SPAG16: variants seen among roughly 807,000 people sequenced by gnomAD.
SPAG16 encodes the protein sperm associated antigen 16.
Under a neutral mutation model 80.4 loss-of-function variants are expected in SPAG16, and 86 were observed. That is an observed-to-expected ratio of 1.07 (90% CI 0.90 to 1.28). The LOEUF (loss-of-function observed/expected upper bound fraction) is 1.28. SPAG16 is among the 50% of genes most tolerant of loss of function. The probability of loss-of-function intolerance (pLI) is 0.00; values close to 1 mark genes in which losing one functional copy is unlikely to be tolerated. For missense variants in SPAG16, 870 were observed against 765.3 expected (o/e 1.14, Z -1.61); for synonymous variants, 294 against 265.9 (o/e 1.11, Z -1.03).
At chr2:213,752,412 A>T (rs2068118389) in intron 10 of SPAG16, among the ~76,000 whole-genome samples, 1 of 152,028 alleles carries the variant, frequency 6.6e-6, no homozygotes, top group South Asian at 2.1e-4. Context: ...TCTCTCCTCT[A>T]CCATTCTTTC....
chr2:214,287,229 A>C (rs887202991), intron 15 of SPAG16, among the ~76,000 whole-genome samples: 17 of 152,186 alleles, frequency 1.1e-4, no homozygotes, highest in African/African-American at 2.4e-5. Flanking sequence ...GCTGAACTCT[A>C]TCTGTACAAG....
chr2:214,112,229 A>G (rs182098038), intron 14 of SPAG16, among the ~76,000 whole-genome samples: 1 of 152,230 alleles, frequency 6.6e-6, no homozygotes, highest in African/African-American at 2.4e-5. Context: ...CTTTACTTCC[A>G]ATTATGTGGT....
intron 12 of SPAG16, among the ~76,000 whole-genome samples, chr2:213,935,511 C>T (rs1002856317): frequency 1.4e-4 from 22 of 152,070 alleles, no homozygotes; most frequent in African/African-American, 5.3e-4. Context: ...TGTTGGAGTC[C>T]ATGAAATCCT....
intron 8 of SPAG16, chr2:213,365,062 A>C (rs1438558496): frequency 6.6e-6 from 1 of 152,206 alleles, no homozygotes; most frequent in African/African-American, 2.4e-5. Context: ...CGAAGCATAA[A>C]ATTAAGCCTA....
At chr2:214,109,826 A>G (rs1251354482) in intron 14 of SPAG16, among the ~76,000 whole-genome samples, 2 of 152,176 alleles carry the variant, frequency 1.3e-5, no homozygotes, top group East Asian at 3.9e-4. Flanking sequence ...TTTAAGCACT[A>G]TGGACCCATT....
At chr2:214,023,156 TA>T (rs1261880985) in intron 13 of SPAG16, among the ~76,000 whole-genome samples, 1 of 151,974 alleles carries the variant, frequency 6.6e-6, no homozygotes, top group Non-Finnish European at 1.5e-5. Context: ...TTGCAGTAGG[TA>T]ATCACTTATG....
rs138294443 is a variant in SPAG16, at chr2:213,789,154, A to G, written c.1071-73331A>G. Reference sequence around the variant, plus strand: ...ATGCATGTATGGAATTGAAAAATAGATTAAAAATCCTTTCAATAAGTGTAC... The same window carrying G: ...ATGCATGTATGGAATTGAAAAATAGGTTAAAAATCCTTTCAATAAGTGTAC... On this transcript the variant is annotated intron_variant, in intron 10 of 15. Transcript: ENST00000331683. Among the ~76,000 whole-genome samples the G allele has an allele frequency of 8.6e-4, 131 of 152,070 alleles. 2 individuals carry two copies. The East Asian group carries it at 0.022, about 26-fold the overall frequency.
chr2:214,268,259 C>A (rs1335871441), intron 15 of SPAG16, among the ~76,000 whole-genome samples: 2 of 151,582 alleles, frequency 1.3e-5, no homozygotes, highest in Non-Finnish European at 3.0e-5. Context: ...ACAGTATGAA[C>A]GTTCCTTTAT....
chr2:214,092,076 A>T (rs1307714995), intron 13 of SPAG16, among the ~76,000 whole-genome samples: 1 of 152,100 alleles, frequency 6.6e-6, no homozygotes, highest in Non-Finnish European at 1.5e-5. Flanking sequence ...CTATTTTATT[A>T]TTTTATTGAC....
chr2:214,066,308 G>A (rs2050526101), intron 13 of SPAG16, among the ~76,000 whole-genome samples: 1 of 152,082 alleles, frequency 6.6e-6, no homozygotes, highest in South Asian at 2.1e-4. Context: ...AGCACCATCT[G>A]AGGCTGAATC....
chr2:213,736,761 A>G (rs1278462044), intron 10 of SPAG16, among the ~76,000 whole-genome samples: 3 of 150,764 alleles, frequency 2.0e-5, no homozygotes, highest in African/African-American at 7.3e-5. Context: ...CTGCAGTGCA[A>G]TGGCGAGATC....
intron 10 of SPAG16, among the ~76,000 whole-genome samples, chr2:213,523,136 G>C (rs2075748299): frequency 6.6e-6 from 1 of 152,146 alleles, no homozygotes; most frequent in Non-Finnish European, 1.5e-5. Context: ...CCCAGTGGGA[G>C]GTAATTGAAT....
At chr2:213,450,058 A>T (rs2071593832) in intron 9 of SPAG16, among the ~76,000 whole-genome samples, 1 of 152,190 alleles carries the variant, frequency 6.6e-6, no homozygotes, top group African/African-American at 2.4e-5. Context: ...TAATCCCAGC[A>T]CTTTGGTAGG....
At chr2:213,292,597 GAGCTTGC>G (rs1197650402) in intron 1 of SPAG16, among the ~76,000 whole-genome samples, 1 of 146,476 alleles carries the variant, frequency 6.8e-6, no homozygotes, top group South Asian at 2.1e-4. Context: ...CCGGGAGGCG[GAGCTTGC>G]AGTGAGCCGA....
chr2:214,009,638 A>G (rs1421967869), intron 12 of SPAG16, among the ~76,000 whole-genome samples: 2 of 152,190 alleles, frequency 1.3e-5, no homozygotes, highest in Non-Finnish European at 2.9e-5. Context: ...TGAGAGTTAA[A>G]ATAGAGCCTG....
chr2:213,997,664 G>A (rs544960948), intron 12 of SPAG16, among the ~76,000 whole-genome samples: 27 of 152,064 alleles, frequency 1.8e-4, no homozygotes, highest in Admixed American at 2.6e-4. Context: ...CCAATCTTTT[G>A]GCTTCCCCAG....
chr2:214,191,274 T>C (rs1576458871), intron 15 of SPAG16, among the ~76,000 whole-genome samples: 1 of 152,238 alleles, frequency 6.6e-6, no homozygotes, highest in Middle Eastern at 3.4e-3. Flanking sequence ...CTCTCTTTGG[T>C]TCCCTTGCTA....
At chr2:213,712,480 C>T (rs981007957) in intron 10 of SPAG16, among the ~76,000 whole-genome samples, 10 of 152,102 alleles carry the variant, frequency 6.6e-5, no homozygotes, top group Non-Finnish European at 1.2e-4. Flanking sequence ...ATTAGAGTGC[C>T]GCACCATCTA....
intron 15 of SPAG16, among the ~76,000 whole-genome samples, chr2:214,233,010 G>A (rs1227331668): frequency 6.6e-6 from 1 of 151,990 alleles, no homozygotes; most frequent in Non-Finnish European, 1.5e-5. Context: ...AGTGAAAGAA[G>A]TAAAACCAAA....
Sources: gnomAD v4.1 joint callset for allele counts (sites outside exome capture counted in the v4.1 genomes callset) on GRCh38, gnomAD v4.1.1 for gene constraint, MANE v1.5 for transcripts, NCBI Gene and HGNC (gene_info 2026-07-23, HGNC 2026-07-21) for gene names.